SLC9C1: variants seen among roughly 807,000 people sequenced by gnomAD.
SLC9C1 encodes the protein sodium/hydrogen exchanger 10.
A neutral mutation model predicts 140.9 loss-of-function variants in SLC9C1; 97 were observed. The observed-to-expected ratio is 0.69, with a 90% CI of 0.58 to 0.82. SLC9C1 has a LOEUF of 0.82. SLC9C1 is among the 40% of genes least tolerant of loss of function. The pLI is 0.00. For missense variants in SLC9C1, 1,340 were observed against 1,389.3 expected, an observed-to-expected ratio of 0.96 and a Z score of 0.56; for synonymous variants, 440 against 442.6, an observed-to-expected ratio of 0.99 and a Z score of 0.07.
At chr3:112,213,445 C>T (rs189093969) in intron 15 of SLC9C1, among the ~76,000 whole-genome samples, 115 of 152,252 alleles carry the variant, frequency 7.6e-4, no homozygotes, top group African/African-American at 2.7e-3. Flanking sequence ...CATCAGTGTT[C>T]TGTATTCAGG....
chr3:112,142,965 T>C (rs1362888279), intron 28 of SLC9C1, among the ~76,000 whole-genome samples: 1 of 152,180 alleles, frequency 6.6e-6, no homozygotes, highest in East Asian at 1.9e-4. Context: ...AGTTCCCACT[T>C]ACAGGTGAGA....
At chr3:112,200,062 A>T (rs1277318893) in intron 19 of SLC9C1, among the ~76,000 whole-genome samples, 1 of 152,060 alleles carries the variant, frequency 6.6e-6, no homozygotes, top group Non-Finnish European at 1.5e-5. Context: ...GTCATAGAAG[A>T]TCTCTCAAAT....
intron 20 of SLC9C1, chr3:112,185,746 C>T (rs1443849635): frequency 6.5e-7 from 1 of 1,539,958 alleles, no homozygotes; most frequent in Non-Finnish European, 8.7e-7. Context: ...CCCCGGCCTG[C>T]CGGGCTGTCC....
chr3:112,193,645 G>T (rs1351988431), intron 20 of SLC9C1, among the ~76,000 whole-genome samples: 11 of 152,100 alleles, frequency 7.2e-5, no homozygotes, highest in African/African-American at 1.9e-4. Flanking sequence ...CAGGCCAGGG[G>T]TATGTCCATA....
At chr3:112,181,076 A>G (rs369029542) in intron 21 of SLC9C1, among the ~76,000 whole-genome samples, 4 of 152,244 alleles carry the variant, frequency 2.6e-5, no homozygotes, top group Non-Finnish European at 5.9e-5. Flanking sequence ...ATTTTTAAAA[A>G]AAGTTTTTAC....
intron 28 of SLC9C1, among the ~76,000 whole-genome samples, chr3:112,142,131 T>C (rs1005900338): frequency 3.9e-5 from 6 of 152,190 alleles, no homozygotes; most frequent in African/African-American, 1.4e-4. Context: ...AGCATTCTTA[T>C]AACTTTGTTA....
At chr3:112,156,556 A>C (rs1329145223) in intron 26 of SLC9C1, among the ~76,000 whole-genome samples, 1 of 152,110 alleles carries the variant, frequency 6.6e-6, no homozygotes, top group Non-Finnish European at 1.5e-5. Flanking sequence ...TTGCTAGATC[A>C]TATGGTAATT....
chr3:112,255,608 T>C (rs2079582975), intron 10 of SLC9C1, among the ~76,000 whole-genome samples: 1 of 151,990 alleles, frequency 6.6e-6, no homozygotes, highest in Non-Finnish European at 1.5e-5. Flanking sequence ...ATTTATATCA[T>C]GAAACGCCCA....
At chr3:112,216,669 A>G (rs1384932224) in intron 15 of SLC9C1, among the ~76,000 whole-genome samples, 2 of 152,224 alleles carry the variant, frequency 1.3e-5, no homozygotes, top group African/African-American at 4.8e-5. Context: ...ACCATCTCAC[A>G]CCAGTTAGAA....
At chr3:112,202,204 C>T in intron 18 of SLC9C1, 46 bp downstream of exon 18, 51 of 1,602,024 alleles carry the variant, frequency 3.2e-5, no homozygotes, top group Non-Finnish European at 4.3e-5. Context: ...ATGAGGGCAA[C>T]TGAGGGCTGA....
Position 112,200,591 on chromosome 3 carries a change from A to T in SLC9C1, c.2374+120T>A, listed in dbSNP as rs951749949. The T allele has an allele frequency of 2.7e-5, 21 of 779,132 alleles. No individual in the cohort carries two copies. In the African/African-American group the frequency reaches 3.8e-4, roughly 14 times the overall value. 48.3% of individuals were successfully genotyped at this position (779,132 alleles called of 1,614,324 possible). ...ATTGCATTGATTGTTGAGGTTACTC[A>T]CTTCAGTATTGTTAGTGAGTAGGTT... On this transcript the variant is annotated intron_variant, in intron 19 of 28. Transcript: ENST00000305815.
At chr3:112,291,535 T>C (rs1185911914) in intron 1 of SLC9C1, among the ~76,000 whole-genome samples, 1 of 152,018 alleles carries the variant, frequency 6.6e-6, no homozygotes, top group African/African-American at 2.4e-5. Flanking sequence ...TCACTGATCA[T>C]TAGAGAAATG....
Position 112,199,442 on chromosome 3 carries a change from A to G in SLC9C1, c.2402T>C (p.Ile801Thr), listed in dbSNP as rs979000357. The G allele has an allele frequency of 6.3e-7, 1 of 1,593,616 alleles. No homozygotes were observed. The highest frequency in any genetic ancestry group is 8.5e-7 in the Non-Finnish European group (1 of 1,171,668). ...TTCCTTTGTTTTCACAGTGACAGCAATTTCTGGGTGATCATACTCTAAGTA... is the reference window on the plus strand; with the variant it reads ...TTCCTTTGTTTTCACAGTGACAGCAGTTTCTGGGTGATCATACTCTAAGTA... Reference protein sequence around the residue: ...LGYLEYDHPEIAVTVKTKEEI... With the variant: ...LGYLEYDHPETAVTVKTKEEI... Residue 801 changes from isoleucine (I) to threonine (T), a missense_variant, in exon 20 of 29, where the codon ATT becomes ACT. By Grantham distance (89) the Ile-to-Thr change is moderately conservative. Coordinates refer to ENST00000305815, the MANE Select transcript of SLC9C1 (RefSeq NM_183061.3).
At chr3:112,275,725 T>C (rs2080194814) in intron 5 of SLC9C1, among the ~76,000 whole-genome samples, 1 of 152,172 alleles carries the variant, frequency 6.6e-6, no homozygotes, top group African/African-American at 2.4e-5. Context: ...ATAACTGCAA[T>C]CACAACCTAA....
At chr3:112,266,071 T>G (rs768820583) in intron 8 of SLC9C1, among the ~76,000 whole-genome samples, 167 bp downstream of exon 8, 4 of 152,042 alleles carry the variant, frequency 2.6e-5, no homozygotes, top group Non-Finnish European at 5.9e-5. Context: ...AATTGGAGGA[T>G]TCAAAGACAC....
chr3:112,149,777 A>T (rs1343007058), intron 28 of SLC9C1, among the ~76,000 whole-genome samples: 1 of 151,912 alleles, frequency 6.6e-6, no homozygotes, highest in South Asian at 2.1e-4. Flanking sequence ...AACACCTGAG[A>T]TCTGCCTGGG....
chr3:112,221,381 C>T (rs1455012204), intron 13 of SLC9C1, among the ~76,000 whole-genome samples, 156 bp from the exon 14 acceptor site: 1 of 152,064 alleles, frequency 6.6e-6, no homozygotes. Context: ...TATAAGATTA[C>T]TGGATAAGGT....
intron 18 of SLC9C1, 106 bp from the exon 19 acceptor site, chr3:112,200,868 G>C (rs1018036732): frequency 2.1e-6 from 2 of 965,592 alleles, no homozygotes; most frequent in Non-Finnish European, 3.1e-6. Context: ...AGTTTTAAGA[G>C]AAGTAGGATG....
At chr3:112,254,938 T>C (rs1262081265) in intron 10 of SLC9C1, among the ~76,000 whole-genome samples, 1 of 151,990 alleles carries the variant, frequency 6.6e-6, no homozygotes. Flanking sequence ...AACAATCCTA[T>C]TTGCAGACAA....
Sources: allele counts gnomAD v4.1 joint callset (sites outside exome capture counted in the v4.1 genomes callset), GRCh38; gene constraint gnomAD v4.1.1; transcripts MANE v1.5; gene names NCBI Gene and HGNC (gene_info 2026-07-23, HGNC 2026-07-21).